Variants in KIF16B observed in about 807,000 individuals in gnomAD.
KIF16B encodes the protein kinesin family member 16B.
A neutral mutation model predicts 156.3 loss-of-function variants in KIF16B; 98 were observed. The observed-to-expected ratio is 0.63, with a 90% CI of 0.53 to 0.74. KIF16B has a LOEUF of 0.74. Among genes scored for constraint, KIF16B ranks in the 30% least tolerant of loss-of-function variants. The pLI is 0.00. For missense variants in KIF16B, 1,421 were observed against 1,606.5 expected (o/e 0.88, Z 1.97); for synonymous variants, 564 against 583.7 (o/e 0.97, Z 0.49).
chr20:16,312,057 A>G (rs531747991), intron 25 of KIF16B, among the ~76,000 whole-genome samples: 3 of 152,300 alleles, frequency 2.0e-5, no homozygotes, highest in African/African-American at 7.2e-5. Flanking sequence ...TATGGTGAAT[A>G]TTTAGTTCTC....
rs760375490 is a variant in KIF16B at position 16,378,990 on chromosome 20, C to T, written c.3012G>A (p.Ala1004=). 30 of 1,613,900 alleles carry T rather than the reference C, an allele frequency of 1.9e-5. 1 individual carries two copies. The highest frequency in any genetic ancestry group is 3.3e-4 in the Middle Eastern group (2 of 6,080). The part of the protein sequence containing the change: ...LESREKQQRE[A]LERALARLER... ...CCAGCCTGGCCAGGGCCCGCTCCAG[C>T]GCCTCTCTCTGCTGCTTCTCTCTGG... Residue 1004 remains alanine (A), a synonymous_variant, in exon 19 of 26, where the codon GCG becomes GCA. Coordinates refer to ENST00000354981, the MANE Select transcript of KIF16B (RefSeq NM_024704.5).
chr20:16,456,442 T>TACACAC (rs149717403), intron 12 of KIF16B, among the ~76,000 whole-genome samples: 1 of 151,000 alleles, frequency 6.6e-6, no homozygotes. Context: ...CCAATTAAGA[T>TACACAC]ACACACACAC....
At chr20:16,449,266 C>T (rs79955876) in intron 12 of KIF16B, among the ~76,000 whole-genome samples, 5,935 of 152,080 alleles carry the variant, frequency 0.039, 407 homozygotes, top group African/African-American at 0.14. Flanking sequence ...GAAAGACCTG[C>T]TGAAAATTTT....
intron 3 of KIF16B, among the ~76,000 whole-genome samples, chr20:16,525,072 T>C (rs774105668): frequency 6.6e-6 from 1 of 152,166 alleles, no homozygotes; most frequent in African/African-American, 2.4e-5. Flanking sequence ...AAATACCTAA[T>C]GTAGATGTCG....
At chr20:16,478,064 G>A (rs1488779655) in intron 12 of KIF16B, among the ~76,000 whole-genome samples, 1 of 152,148 alleles carries the variant, frequency 6.6e-6, no homozygotes, top group East Asian at 1.9e-4. Flanking sequence ...GACTGGGATG[G>A]CAAGTTTATG....
At chr20:16,328,155 TTC>T (rs1445020333) in intron 24 of KIF16B, among the ~76,000 whole-genome samples, 1 of 152,214 alleles carries the variant, frequency 6.6e-6, no homozygotes, top group East Asian at 1.9e-4. Context: ...CCTAGTCGTT[TTC>T]TTCCCTCCCA....
chr20:16,325,759 T>C (rs577376712), intron 24 of KIF16B, among the ~76,000 whole-genome samples: 3 of 151,918 alleles, frequency 2.0e-5, no homozygotes, highest in African/African-American at 7.2e-5. Flanking sequence ...CCCATCAAAA[T>C]ACCATCATCA....
chr20:16,378,880 C>T lies in KIF16B; in HGVS notation c.3122G>A (p.Ser1041Asn). Residue 1041 changes from serine (S) to asparagine (N), a missense_variant, in exon 19 of 26, where the codon AGT (serine) becomes AAT (asparagine). Transcript: ENST00000354981. ...GAGCCCTGACTGCTCTCTGCTGCCACTGTTCAGACTGGCAAGTTTCTGCCT... is the reference window on the plus strand; with the variant it reads ...GAGCCCTGACTGCTCTCTGCTGCCATTGTTCAGACTGGCAAGTTTCTGCCT... ...EQRQKLASLN[S>N]GSREQSGLQA... 6.2e-7 allele frequency: 1 copy of T among 1,614,182 alleles called. No individual in the cohort carries two copies. The highest frequency in any genetic ancestry group is 1.3e-5 in the African/African-American group (1 of 75,066).
chr20:16,434,289 C>A (rs2066582992), intron 12 of KIF16B, among the ~76,000 whole-genome samples: 1 of 152,188 alleles, frequency 6.6e-6, no homozygotes, highest in South Asian at 2.1e-4. Flanking sequence ...GCAGGCAGGG[C>A]TGCCCAGATC....
intron 17 of KIF16B, among the ~76,000 whole-genome samples, chr20:16,397,757 G>A (rs2065546441): frequency 6.6e-6 from 1 of 152,234 alleles, no homozygotes; most frequent in South Asian, 2.1e-4. Flanking sequence ...CACCAAACTT[G>A]TAGAAACACA....
At chr20:16,557,277 T>A (rs2070887535) in intron 1 of KIF16B, among the ~76,000 whole-genome samples, 2 of 151,898 alleles carry the variant, frequency 1.3e-5, no homozygotes. Flanking sequence ...GCCTCCCAGG[T>A]TCATGCGACT....
intron 1 of KIF16B, among the ~76,000 whole-genome samples, chr20:16,545,029 A>T (rs2070350648): frequency 6.6e-6 from 1 of 152,228 alleles, no homozygotes; most frequent in South Asian, 2.1e-4. Flanking sequence ...TTAACTTGGC[A>T]AATGTTAACT....
chr20:16,502,024 T>C (rs1396416613), intron 10 of KIF16B, among the ~76,000 whole-genome samples: 1 of 152,144 alleles, frequency 6.6e-6, no homozygotes, highest in African/African-American at 2.4e-5. Context: ...AATTCAAATA[T>C]ATAAACTACT....
intron 12 of KIF16B, among the ~76,000 whole-genome samples, chr20:16,457,717 G>A (rs2067246509): frequency 6.6e-6 from 1 of 152,068 alleles, no homozygotes; most frequent in Non-Finnish European, 1.5e-5. Flanking sequence ...TTCCAGCTCA[G>A]TGTGTTTATA....
chr20:16,410,089 A>ACATATATATATATGTT (rs2065901367), intron 15 of KIF16B, among the ~76,000 whole-genome samples: 4 of 102,532 alleles, frequency 3.9e-5, no homozygotes, highest in South Asian at 3.5e-4. Context: ...ATATATATGT[A>ACATATATATATATGTT]GGTACATATA....
At chr20:16,571,691 A>G (rs4813227) in intron 1 of KIF16B, among the ~76,000 whole-genome samples, 101,321 of 150,774 alleles carry the variant, frequency 0.67, 35,161 homozygotes, top group African/African-American at 0.86. Context: ...GTGCAGAGGC[A>G]CGGTGTCGGC....
intron 17 of KIF16B, among the ~76,000 whole-genome samples, chr20:16,399,425 G>A (rs1206209148): frequency 1.3e-5 from 2 of 152,194 alleles, no homozygotes; most frequent in Non-Finnish European, 2.9e-5. Context: ...GCTCTGAGAT[G>A]ACTGAGCCTC....
chr20:16,549,265 C>T (rs1168529681), intron 1 of KIF16B, among the ~76,000 whole-genome samples: 1 of 149,828 alleles, frequency 6.7e-6, no homozygotes, highest in Non-Finnish European at 1.5e-5. Context: ...TGTTCAATTC[C>T]CACCTATGAG....
chr20:16,406,853 T>C (rs891900994), intron 15 of KIF16B, among the ~76,000 whole-genome samples: 3 of 152,220 alleles, frequency 2.0e-5, no homozygotes, highest in African/African-American at 7.2e-5. Context: ...TGTTTATTGA[T>C]ACTGGTAAAA....
Sources: allele counts gnomAD v4.1 joint callset (sites outside exome capture counted in the v4.1 genomes callset), GRCh38; gene constraint gnomAD v4.1.1; transcripts MANE v1.5; gene names NCBI Gene and HGNC (gene_info 2026-07-23, HGNC 2026-07-21).